Variants in SGCZ observed in about 807,000 individuals in gnomAD.
SGCZ encodes sarcoglycan zeta, also known as zeta-sarcoglycan.
In SGCZ, 40 loss-of-function variants were observed where a neutral mutation model predicts 41.3. The observed-to-expected ratio is 0.97, with a 90% confidence interval of 0.75 to 1.26. The LOEUF (loss-of-function observed/expected upper bound fraction) is 1.26, where lower values mean the gene tolerates loss of function less well. SGCZ is among the 50% of genes most tolerant of loss of function. The pLI is 0.00. For missense variants in SGCZ, 552 were observed against 369.8 expected, an observed-to-expected ratio of 1.49 and a Z score of -4.04; for synonymous variants, 206 against 137.5, an observed-to-expected ratio of 1.50 and a Z score of -3.49.
chr8:14,743,648 G>T (rs1799260241), intron 1 of SGCZ, among the ~76,000 whole-genome samples: 1 of 151,920 alleles, frequency 6.6e-6, no homozygotes, highest in South Asian at 2.1e-4. Flanking sequence ...TTTAGAAAAA[G>T]AGTGAAGATT....
In SGCZ at chr8:14,701,994, C is replaced by A. The variant is rs111371354; in HGVS notation, c.40-147068G>T. ...TTATGTCCTCCTCTTAAAGGTCACG[C>A]TCAAACATTTTTACACGCACTGGCA... On this transcript the variant is annotated intron_variant, in intron 1 of 7. Transcript: ENST00000382080. Among the ~76,000 whole-genome samples, 453 of 152,022 alleles carry A rather than the reference C, an allele frequency of 3.0e-3. 5 individuals are homozygous for A. Among genetic ancestry groups the A allele is most frequent in the African/African-American group, 0.01 (422 of 41,508 alleles).
At chr8:14,846,306 C>T (rs73535059) in intron 1 of SGCZ, among the ~76,000 whole-genome samples, 2,109 of 151,970 alleles carry the variant, frequency 0.014, 28 homozygotes, top group African/African-American at 0.033. Context: ...ACCCAAAGCA[C>T]ATAGAACAGT....
At chr8:14,628,338 C>T (rs912816489) in intron 1 of SGCZ, among the ~76,000 whole-genome samples, 1 of 134,352 alleles carries the variant, frequency 7.4e-6, no homozygotes, top group Non-Finnish European at 1.7e-5. Context: ...GAAAATATTA[C>T]AGCTGATAAC....
intron 1 of SGCZ, among the ~76,000 whole-genome samples, chr8:15,124,762 G>T (rs947778108): frequency 2.0e-5 from 3 of 152,124 alleles, no homozygotes; most frequent in African/African-American, 7.2e-5. Context: ...GGGAACATAA[G>T]ATCAAACAAC....
At chr8:14,306,739 T>C (rs543956646) in intron 3 of SGCZ, among the ~76,000 whole-genome samples, 1 of 152,300 alleles carries the variant, frequency 6.6e-6, no homozygotes, top group East Asian at 1.9e-4. Context: ...TTATTTGTGG[T>C]CAATTTCTGT....
intron 2 of SGCZ, among the ~76,000 whole-genome samples, chr8:14,502,071 T>G (rs1029171652): frequency 5.3e-5 from 8 of 152,076 alleles, no homozygotes; most frequent in African/African-American, 4.8e-5. Context: ...AACAAATTCT[T>G]TTGTTTGTCA....
intron 5 of SGCZ, among the ~76,000 whole-genome samples, chr8:14,121,069 GAA>G (rs1278648194): frequency 1.3e-5 from 2 of 152,114 alleles, no homozygotes; most frequent in Non-Finnish European, 2.9e-5. Context: ...ATGTGACTGT[GAA>G]ATAGAGAAAT....
intron 3 of SGCZ, among the ~76,000 whole-genome samples, chr8:14,318,299 C>A (rs560802621): frequency 1.3e-5 from 2 of 151,808 alleles, no homozygotes; most frequent in African/African-American, 2.4e-5. Flanking sequence ...TAATACTATA[C>A]ATCAAACTCC....
At chr8:14,742,106 A>G (rs971495985) in intron 1 of SGCZ, among the ~76,000 whole-genome samples, 3 of 152,054 alleles carry the variant, frequency 2.0e-5, no homozygotes, top group South Asian at 2.1e-4. Flanking sequence ...ATTTCACCCT[A>G]TAAATATTCA....
intron 1 of SGCZ, among the ~76,000 whole-genome samples, chr8:14,622,069 C>G (rs1806304401): frequency 6.6e-6 from 1 of 151,940 alleles, no homozygotes; most frequent in Admixed American, 6.6e-5. Flanking sequence ...TAGATGAGGT[C>G]ATCAGATAAG....
intron 2 of SGCZ, among the ~76,000 whole-genome samples, chr8:14,375,229 G>A (rs1297355324): frequency 6.6e-6 from 1 of 152,170 alleles, no homozygotes; most frequent in African/African-American, 2.4e-5. Context: ...TCACAATGGA[G>A]ATATAACAGT....
intron 2 of SGCZ, among the ~76,000 whole-genome samples, chr8:14,334,505 T>G (rs186410016): frequency 6.6e-6 from 1 of 152,264 alleles, no homozygotes; most frequent in East Asian, 1.9e-4. Context: ...TTACATTTAT[T>G]GTATTATGTA....
intron 1 of SGCZ, among the ~76,000 whole-genome samples, chr8:15,170,189 T>C (rs1189712030): frequency 6.6e-6 from 1 of 152,326 alleles, no homozygotes; most frequent in African/African-American, 2.4e-5. Context: ...ACCTGCTCTC[T>C]GACACACCTT....
Position 15,017,577 on chromosome 8 carries a change from A to G in SGCZ, c.39+220008T>C, listed in dbSNP as rs560174010. 8.5e-5 allele frequency among the ~76,000 whole-genome samples: 13 copies of G among 152,212 alleles called. No homozygotes were observed. The East Asian group carries it at 2.3e-3, about 27-fold the overall frequency. On this transcript the variant is annotated intron_variant, in intron 1 of 7. Coordinates refer to ENST00000382080, the MANE Select transcript of SGCZ (RefSeq NM_139167.4). ...AGTGCAATGGCACAACCACGGCTCA[A>G]TGCAGCCTCAACCTCCCAGGCTCAA... is the stretch of plus-strand genomic sequence containing the variant.
intron 4 of SGCZ, among the ~76,000 whole-genome samples, chr8:14,236,017 T>C (rs891526358): frequency 6.6e-6 from 1 of 152,196 alleles, no homozygotes; most frequent in Non-Finnish European, 1.5e-5. Flanking sequence ...ACTAAGAACT[T>C]CTTTTTATAT....
intron 1 of SGCZ, among the ~76,000 whole-genome samples, chr8:14,866,328 A>G (rs192997015): frequency 6.6e-6 from 1 of 152,252 alleles, no homozygotes. Context: ...TTGCTACTAC[A>G]GATTAAAAGG....
chr8:14,399,422 G>T (rs945868020), intron 2 of SGCZ, among the ~76,000 whole-genome samples: 8 of 152,044 alleles, frequency 5.3e-5, no homozygotes, highest in African/African-American at 1.9e-4. Context: ...AATCACACTT[G>T]ACAGGCTGGA....
intron 1 of SGCZ, among the ~76,000 whole-genome samples, chr8:14,716,172 A>G (rs1224595579): frequency 6.6e-6 from 1 of 151,974 alleles, no homozygotes; most frequent in Non-Finnish European, 1.5e-5. Flanking sequence ...CGAGTATCCA[A>G]ATTTAGAACT....
intron 2 of SGCZ, among the ~76,000 whole-genome samples, chr8:14,491,431 T>A (rs1585587302): frequency 6.6e-6 from 1 of 152,290 alleles, no homozygotes; most frequent in East Asian, 1.9e-4. Context: ...CTAAGGCGAT[T>A]TGAGTGCTAA....
Sources: allele counts gnomAD v4.1 joint callset (sites outside exome capture counted in the v4.1 genomes callset), GRCh38; gene constraint gnomAD v4.1.1; transcripts MANE v1.5; gene names NCBI Gene and HGNC (gene_info 2026-07-23, HGNC 2026-07-21).